The following NGLY1 variants were observed in gnomAD, a reference collection of about 807,000 sequenced individuals.
NGLY1 encodes the protein N-glycanase 1.
NGLY1 carries 68 observed loss-of-function variants against 84.6 expected under a neutral mutation model. The observed-to-expected ratio is 0.80, with a 90% confidence interval of 0.66 to 0.98. NGLY1 has a LOEUF of 0.98. Among genes scored for constraint, NGLY1 ranks in the 50% least tolerant of loss-of-function variants. The pLI is 0.00. For missense variants in NGLY1, 779 were observed against 770.2 expected (o/e 1.01, Z -0.14); for synonymous variants, 280 against 275.2 (o/e 1.02, Z -0.17).
chr3:25,720,324 GT>G (rs770345657), intron 10 of NGLY1, 133 bp from the exon 11 acceptor site: 5 of 644,782 alleles, frequency 7.8e-6, no homozygotes, highest in Non-Finnish European at 1.2e-5. Flanking sequence ...ACTTTTCCCT[GT>G]TGAAAAGGTT....
chr3:25,755,998 T>C (rs986788218), intron 3 of NGLY1, among the ~76,000 whole-genome samples: 20 of 152,350 alleles, frequency 1.3e-4, no homozygotes, highest in Admixed American at 8.5e-4. Flanking sequence ...AGCAGATTTA[T>C]CTTTTACAGC....
intron 3 of NGLY1, among the ~76,000 whole-genome samples, chr3:25,759,004 T>C (rs1363514655): frequency 6.6e-6 from 1 of 152,234 alleles, no homozygotes; most frequent in African/African-American, 2.4e-5. Context: ...TTCAGAAATT[T>C]GCGTGTGATT....
intron 4 of NGLY1, among the ~76,000 whole-genome samples, chr3:25,741,481 TTCTC>T (rs1180757908): frequency 6.6e-6 from 1 of 152,072 alleles, no homozygotes; most frequent in Non-Finnish European, 1.5e-5. Context: ...AAAAAAAACT[TTCTC>T]TGGAATAATA....
intron 6 of NGLY1, chr3:25,736,597 G>A (rs1342348265): frequency 1.2e-5 from 5 of 434,208 alleles, no homozygotes; most frequent in Non-Finnish European, 2.0e-5. Context: ...AACTATTAAT[G>A]GAAGGTTTCA....
chr3:25,719,889 T>A, intron 11 of NGLY1, 125 bp downstream of exon 11: 1 of 873,346 alleles, frequency 1.1e-6, no homozygotes, highest in African/African-American at 1.7e-5. Context: ...TAAATTTTTT[T>A]TTTTTTACTG....
chr3:25,782,146 C>T (rs1432602278), intron 1 of NGLY1, among the ~76,000 whole-genome samples: 6 of 152,074 alleles, frequency 3.9e-5, no homozygotes, highest in Non-Finnish European at 8.8e-5. Context: ...ATATATTTTC[C>T]CTTCAATTTA....
intron 7 of NGLY1, chr3:25,735,136 A>G (rs928927779): frequency 6.5e-6 from 1 of 153,494 alleles, no homozygotes; most frequent in Admixed American, 6.5e-5. Flanking sequence ...ACATAGGAGA[A>G]AATCATTGTG....
intron 2 of NGLY1, among the ~76,000 whole-genome samples, chr3:25,771,082 ATTTG>A (rs1024706526): frequency 1.1e-4 from 16 of 152,130 alleles, no homozygotes; most frequent in African/African-American, 3.9e-4. Context: ...TTTTTATTGC[ATTTG>A]TTTTTGGGTT....
At chr3:25,773,241 T>C (rs764140376) in intron 2 of NGLY1, among the ~76,000 whole-genome samples, 1 of 152,170 alleles carries the variant, frequency 6.6e-6, no homozygotes, top group Non-Finnish European at 1.5e-5. Flanking sequence ...CTTTTAGATG[T>C]ATTTTCTTCC....
At chr3:25,779,213 C>T (rs1271476786) in intron 1 of NGLY1, among the ~76,000 whole-genome samples, 1 of 152,124 alleles carries the variant, frequency 6.6e-6, no homozygotes, top group Non-Finnish European at 1.5e-5. Context: ...CTGGGGATTA[C>T]AGGCGTGAGC....
intron 9 of NGLY1, among the ~76,000 whole-genome samples, chr3:25,731,109 A>G (rs1705517435): frequency 6.6e-6 from 1 of 152,048 alleles, no homozygotes; most frequent in African/African-American, 2.4e-5. Flanking sequence ...ATAAATTTTA[A>G]TATAACAGTA....
chr3:25,760,920 A>C (rs948590297), intron 3 of NGLY1, among the ~76,000 whole-genome samples: 1 of 131,620 alleles, frequency 7.6e-6, no homozygotes, highest in Non-Finnish European at 1.6e-5. Context: ...AAAAAAAAAA[A>C]GCTCGCACAC....
At chr3:25,738,547 G>A (rs776120722) in intron 5 of NGLY1, among the ~76,000 whole-genome samples, 13 of 152,122 alleles carry the variant, frequency 8.5e-5, no homozygotes, top group Admixed American at 6.6e-5. Flanking sequence ...TGGGCTCTGC[G>A]ATGACAAGTC....
At chr3:25,772,865 A>G (rs987537914) in intron 2 of NGLY1, among the ~76,000 whole-genome samples, 3 of 152,166 alleles carry the variant, frequency 2.0e-5, no homozygotes, top group African/African-American at 7.2e-5. Flanking sequence ...TGTCTGAAAG[A>G]CTATCTTTCC....
chr3:25,785,059 G>A (rs1391213909), upstream of NGLY1, among the ~76,000 whole-genome samples: 3 of 135,810 alleles, frequency 2.2e-5, no homozygotes, highest in Non-Finnish European at 4.6e-5. Context: ...TTGCTCCACA[G>A]ACAATACTTG....
At chr3:25,740,092 CAGTT>C (rs1368777645) in intron 4 of NGLY1, among the ~76,000 whole-genome samples, 1 of 152,062 alleles carries the variant, frequency 6.6e-6, no homozygotes. Context: ...GAACTATAGT[CAGTT>C]AGGAATTGAT....
At chr3:25,785,583 C>T (rs574683147), upstream of NGLY1, among the ~76,000 whole-genome samples, 4 of 150,688 alleles carry the variant, frequency 2.7e-5, no homozygotes, top group Admixed American at 2.6e-4. Flanking sequence ...CCTGTAATCC[C>T]AATACTTTGG....
intron 2 of NGLY1, among the ~76,000 whole-genome samples, chr3:25,772,986 C>G (rs1432290634): frequency 6.6e-6 from 1 of 152,206 alleles, no homozygotes; most frequent in Non-Finnish European, 1.5e-5. Context: ...AGGGCTTCTA[C>G]TGAGAAATCT....
rs3773423 is a variant in NGLY1 at position 25,744,217 on chromosome 3, A to C, written c.659-4418T>G. Among the ~76,000 whole-genome samples, 23 of 152,338 alleles carry C rather than the reference A, an allele frequency of 1.5e-4. No individual in the cohort carries two copies. In the East Asian group the frequency reaches 2.7e-3, roughly 18 times the overall value. ...TAGCCTCATCCATGTTCTCCATCTCATATCTTCACATACAATTTAGTAGGC... is the reference window on the plus strand; with the variant it reads ...TAGCCTCATCCATGTTCTCCATCTCCTATCTTCACATACAATTTAGTAGGC... On this transcript the variant is annotated intron_variant, in intron 4 of 11. Coordinates refer to ENST00000280700, the MANE Select transcript of NGLY1 (RefSeq NM_018297.4).
Sources: gnomAD v4.1 joint callset for allele counts (sites outside exome capture counted in the v4.1 genomes callset) on GRCh38, gnomAD v4.1.1 for gene constraint, MANE v1.5 for transcripts, NCBI Gene and HGNC (gene_info 2026-07-23, HGNC 2026-07-21) for gene names.